The following MCC variants were observed in gnomAD, a reference collection of about 807,000 sequenced individuals.
The protein encoded by MCC is colorectal mutant cancer protein.
A neutral mutation model predicts 116.2 loss-of-function variants in MCC; 90 were observed. The ratio of observed to expected loss-of-function variants is 0.77; its 90% confidence interval spans 0.65 to 0.92. The LOEUF (loss-of-function observed/expected upper bound fraction) is 0.92, where lower values mean the gene tolerates loss of function less well. Among genes scored for constraint, MCC ranks in the 40% least tolerant of loss-of-function variants. The pLI, the probability that MCC is intolerant of heterozygous loss-of-function variation, is 0.00. For synonymous variants in MCC, 578 were observed against 510.5 expected (o/e 1.13, Z -1.78); for missense variants, 1,516 against 1,312.2 (o/e 1.16, Z -2.40).
At chr5:113,207,702 A>T (rs1378015293) in intron 3 of MCC, among the ~76,000 whole-genome samples, 1 of 152,112 alleles carries the variant, frequency 6.6e-6, no homozygotes, top group African/African-American at 2.4e-5. Flanking sequence ...CAAAAATTAT[A>T]CTCACACACC....
At chr5:113,168,160 A>G (rs541635087) in intron 3 of MCC, among the ~76,000 whole-genome samples, 1 of 152,282 alleles carries the variant, frequency 6.6e-6, no homozygotes, top group South Asian at 2.1e-4. Context: ...TTATATACCT[A>G]GTGCGATACT....
intron 3 of MCC, among the ~76,000 whole-genome samples, chr5:113,230,693 G>T (rs1763908249): frequency 6.6e-6 from 1 of 152,164 alleles, no homozygotes; most frequent in African/African-American, 2.4e-5. Flanking sequence ...ACAAGTTAAT[G>T]TACTATTTTG....
At position 113,364,235 on chromosome 5, in the gene MCC, ACAGAAAAAAAAAAAAAAAAAAAAAAC is replaced by A. The variant is rs1175081091; in HGVS notation, c.415+20707_415+20732del. Among the ~76,000 whole-genome samples, 76 of 131,750 alleles carry A rather than the reference ACAGAAAAAAAAAAAAAAAAAAAAAAC, an allele frequency of 5.8e-4. 1 individual carries two copies. Among genetic ancestry groups the A allele is most frequent in the South Asian group, 7.0e-4 (3 of 4,292 alleles). 86.4% of individuals were successfully genotyped at this position (131,750 alleles called of 152,430 possible). On this transcript the variant is annotated intron_variant, in intron 2 of 18. Transcript: ENST00000408903. The stretch of plus-strand genomic sequence containing the variant: ...GACAGAGTGAGACTCTTTCTCAAAA[ACAGAAAAAAAAAAAAAAAAAAAAAAC>A]CAGAAAAAAAAAAAAAAGGAACTCT...
chr5:113,138,353 T>C (rs1410462719), intron 5 of MCC, among the ~76,000 whole-genome samples: 2 of 152,166 alleles, frequency 1.3e-5, no homozygotes, highest in Non-Finnish European at 2.9e-5. Context: ...TCCAATGTGA[T>C]GGTGTTTGGA....
intron 3 of MCC, among the ~76,000 whole-genome samples, chr5:113,229,392 G>T (rs1763859367): frequency 2.0e-5 from 3 of 152,324 alleles, no homozygotes; most frequent in Non-Finnish European, 2.9e-5. Flanking sequence ...ACCAGAAACT[G>T]CAATCAGATG....
At chr5:113,218,815 T>G (rs868598000) in intron 3 of MCC, among the ~76,000 whole-genome samples, 37 of 151,650 alleles carry the variant, frequency 2.4e-4, no homozygotes, top group African/African-American at 8.9e-4. Context: ...CAGTTTTAAA[T>G]TTTTAGTTAC....
intron 3 of MCC, among the ~76,000 whole-genome samples, chr5:113,316,794 CAT>C (rs1402463765): frequency 1.3e-5 from 2 of 152,174 alleles, no homozygotes; most frequent in Admixed American, 6.5e-5. Context: ...TGTCAAATAA[CAT>C]AGCATTCAGC....
intron 2 of MCC, among the ~76,000 whole-genome samples, chr5:113,364,772 C>T (rs1000632609): frequency 5.3e-5 from 8 of 152,210 alleles, no homozygotes; most frequent in Admixed American, 4.6e-4. Flanking sequence ...CACCTGCAGG[C>T]TTAACACCAT....
In MCC at chr5:113,027,078, T is replaced by C. The variant is rs1400343050; in HGVS notation, c.*224A>G. ...GCACAGAACATGTGTTTACACGCTG[T>C]TGTGGGCCCAGGAGGGAAGAGCGGG... On this transcript the variant is annotated 3_prime_UTR_variant, in exon 19 of 19. Coordinates refer to ENST00000408903, the MANE Select transcript of MCC (RefSeq NM_001085377.2). 3.6e-6 allele frequency: 2 copies of C among 549,510 alleles called. No homozygotes were observed. Among genetic ancestry groups the C allele is most frequent in the East Asian group, 3.0e-5 (1 of 33,144 alleles). The allele number at this position is 549,510 out of a possible 1,614,324, so 34.0% of individuals were successfully genotyped here.
chr5:113,464,098 G>A (rs1443839395), intron 1 of MCC, among the ~76,000 whole-genome samples: 2 of 107,850 alleles, frequency 1.9e-5, no homozygotes, highest in African/African-American at 6.7e-5. Context: ...GGTCACTAGT[G>A]ACCTTAGCAT....
At chr5:113,208,327 C>G (rs1762993974) in intron 3 of MCC, among the ~76,000 whole-genome samples, 1 of 152,198 alleles carries the variant, frequency 6.6e-6, no homozygotes, top group Non-Finnish European at 1.5e-5. Flanking sequence ...TGGAACCTAT[C>G]TGTTCCCCTG....
At chr5:113,184,472 G>GTTTTTTT (rs200787776) in intron 3 of MCC, among the ~76,000 whole-genome samples, 17 of 123,818 alleles carry the variant, frequency 1.4e-4, no homozygotes, top group South Asian at 5.1e-4. Flanking sequence ...TTCTTTCTTC[G>GTTTTTTT]TTTTTTGTTT....
intron 1 of MCC, among the ~76,000 whole-genome samples, chr5:113,483,809 T>G (rs997864645): frequency 6.6e-6 from 1 of 151,976 alleles, no homozygotes; most frequent in African/African-American, 2.4e-5. Context: ...CCACTGATGA[T>G]AGACCAGACA....
At chr5:113,048,707 G>A (rs1208015034) in intron 16 of MCC, 1 of 353,258 alleles carries the variant, frequency 2.8e-6, no homozygotes, top group Admixed American at 4.5e-5. Flanking sequence ...GGCATCTATG[G>A]GGGATTTTGG....
intron 1 of MCC, among the ~76,000 whole-genome samples, chr5:113,410,342 T>A (rs1249133413): frequency 6.6e-6 from 1 of 152,234 alleles, no homozygotes; most frequent in South Asian, 2.1e-4. Context: ...TATATAGATA[T>A]AACATAATAT....
chr5:113,036,124 A>G (rs145379993), intron 17 of MCC, among the ~76,000 whole-genome samples: 20 of 138,992 alleles, frequency 1.4e-4, no homozygotes, highest in African/African-American at 5.2e-4. Context: ...ACAACCTCCA[A>G]CCCCTAGGGT....
intron 5 of MCC, among the ~76,000 whole-genome samples, chr5:113,130,540 C>T (rs1418881034): frequency 6.6e-6 from 1 of 152,104 alleles, no homozygotes; most frequent in Non-Finnish European, 1.5e-5. Flanking sequence ...ATGATTGTCC[C>T]CTCCAACTCT....
intron 3 of MCC, among the ~76,000 whole-genome samples, chr5:113,299,964 G>C (rs1766821387): frequency 6.6e-6 from 1 of 152,178 alleles, no homozygotes; most frequent in Non-Finnish European, 1.5e-5. Flanking sequence ...CAGCAGTCTT[G>C]GGAACATTTC....
At chr5:113,400,896 T>G (rs1234928270) in intron 1 of MCC, among the ~76,000 whole-genome samples, 6 of 152,156 alleles carry the variant, frequency 3.9e-5, no homozygotes, top group Non-Finnish European at 7.3e-5. Context: ...GCAATAATGG[T>G]CAGTATGACA....
Sources: gnomAD v4.1 joint callset for allele counts (sites outside exome capture counted in the v4.1 genomes callset) on GRCh38, gnomAD v4.1.1 for gene constraint, MANE v1.5 for transcripts, NCBI Gene and HGNC (gene_info 2026-07-23, HGNC 2026-07-21) for gene names.